The following CAMSAP2 variants were observed in gnomAD, a reference collection of about 807,000 sequenced individuals.
CAMSAP2 encodes calmodulin regulated spectrin associated protein family member 2.
In CAMSAP2, 26 loss-of-function variants were observed where a neutral mutation model predicts 146.1. That is an observed-to-expected ratio of 0.18 (90% confidence interval 0.13 to 0.25). The LOEUF is 0.25. Ranked by LOEUF, CAMSAP2 falls within the 10% of genes least tolerant of loss-of-function variation. CAMSAP2 has a pLI of 1.00. For synonymous variants in CAMSAP2, 499 were observed against 596.6 expected (o/e 0.84, Z 2.38); for missense variants, 1,381 against 1,759.3 (o/e 0.78, Z 3.85).
chr1:200,793,599 G>A (rs1268673459), intron 2 of CAMSAP2, among the ~76,000 whole-genome samples: 2 of 152,066 alleles, frequency 1.3e-5, no homozygotes, highest in African/African-American at 2.4e-5. Flanking sequence ...ACAGTATTCT[G>A]AGCTTAAAAC....
At chr1:200,840,647 T>C (rs879932906) in intron 6 of CAMSAP2, among the ~76,000 whole-genome samples, 3 of 152,148 alleles carry the variant, frequency 2.0e-5, no homozygotes, top group African/African-American at 4.8e-5. Flanking sequence ...AACTTAAATA[T>C]GAGAAAACCA....
Position 200,849,388 on chromosome 1 carries a change from T to A in CAMSAP2, c.2619T>A (p.Asn873Lys). The change falls in exon 11 of 17, where the codon AAT (asparagine) becomes AAA (lysine). Residue 873 changes from asparagine (N) to lysine (K), a missense_variant. Coordinates refer to ENST00000358823, the MANE Select transcript of CAMSAP2 (RefSeq NM_203459.4). This position sits in a 1 kb window ranked among gnomAD's most constrained non-coding sequence, Gnocchi z 6.3. ...CAAGCCCCTCAGAAGAAACTTTAAA[T>A]GAAGGAGAGATTTTAGAATATACCA... is the stretch of plus-strand genomic sequence containing the variant. ...NLASPSEETL[N>K]EGEILEYTKS... 1 of 1,614,052 alleles carries A rather than the reference T, an allele frequency of 6.2e-7. No homozygotes were observed. Among genetic ancestry groups the A allele is most frequent in the Non-Finnish European group, 8.5e-7 (1 of 1,179,982 alleles).
intron 4 of CAMSAP2, among the ~76,000 whole-genome samples, chr1:200,821,244 G>A (rs1240608162): frequency 3.3e-5 from 5 of 150,358 alleles, no homozygotes; most frequent in Non-Finnish European, 4.4e-5. Context: ...ATGAAGTAGC[G>A]AGATCATGGC....
At chr1:200,787,374 T>C (rs1457516192) in intron 2 of CAMSAP2, among the ~76,000 whole-genome samples, 1 of 152,160 alleles carries the variant, frequency 6.6e-6, no homozygotes, top group Non-Finnish European at 1.5e-5. Flanking sequence ...TTTCCAACTT[T>C]TAGGGATGAC....
intron 4 of CAMSAP2, among the ~76,000 whole-genome samples, chr1:200,823,993 A>C (rs924786357): frequency 2.0e-5 from 3 of 152,194 alleles, no homozygotes; most frequent in Admixed American, 2.0e-4. Context: ...ATTTTACAGC[A>C]TCAGCCACTG....
At chr1:200,775,057 G>GA (rs1264882130) in intron 2 of CAMSAP2, among the ~76,000 whole-genome samples, 1 of 152,152 alleles carries the variant, frequency 6.6e-6, no homozygotes, top group Non-Finnish European at 1.5e-5. Context: ...TAAATGCTGT[G>GA]AAAAAAATAA....
chr1:200,825,443 A>T (rs1666879558), intron 4 of CAMSAP2, among the ~76,000 whole-genome samples: 1 of 151,522 alleles, frequency 6.6e-6, no homozygotes, highest in African/African-American at 2.4e-5. Context: ...TCTTTTCAGT[A>T]ACTGTATATC....
chr1:200,792,904 G>T (rs533506711), intron 2 of CAMSAP2, among the ~76,000 whole-genome samples: 14 of 152,204 alleles, frequency 9.2e-5, no homozygotes, highest in Admixed American at 8.5e-4. Context: ...TGTTACCATT[G>T]GGGGAAACTG....
intron 11 of CAMSAP2, 36 bp downstream of exon 11, chr1:200,850,270 A>G: frequency 6.6e-7 from 1 of 1,506,396 alleles, no homozygotes; most frequent in Non-Finnish European, 8.9e-7. Context: ...GGGCATCTTC[A>G]TTAGATGAGT....
intron 2 of CAMSAP2, among the ~76,000 whole-genome samples, chr1:200,765,167 C>T (rs370966596): frequency 6.6e-6 from 1 of 152,066 alleles, no homozygotes; most frequent in East Asian, 1.9e-4. Context: ...TTCTCTCAAT[C>T]TCCACCCCAA....
chr1:200,815,425 CTTTA>C (rs1320057507), intron 3 of CAMSAP2, 132 bp from the exon 4 acceptor site: 6 of 426,476 alleles, frequency 1.4e-5, no homozygotes, highest in African/African-American at 6.2e-5. Context: ...CTGAAATTTT[CTTTA>C]TTTGAGTGAG....
At position 200,815,543 on chromosome 1, in the gene CAMSAP2, A is replaced by G. The variant is rs367624646; in HGVS notation, c.562-18A>G. On this transcript the variant is annotated intron_variant, in intron 3 of 16. Transcript: ENST00000358823. ...AAAAAAAGAATAAAAATTCAAACTGATATTTTTATATTTTAAGGTAAATGA... is the reference window on the plus strand; with the variant it reads ...AAAAAAAGAATAAAAATTCAAACTGGTATTTTTATATTTTAAGGTAAATGA... 22 of 1,296,562 alleles carry G rather than the reference A, an allele frequency of 1.7e-5. No homozygotes were observed. The highest frequency in any genetic ancestry group is 1.5e-5 in the African/African-American group (1 of 65,692). The allele number at this position is 1,296,562 out of a possible 1,614,324, so 80.3% of individuals were successfully genotyped here.
intron 4 of CAMSAP2, among the ~76,000 whole-genome samples, chr1:200,824,235 CT>C (rs76100494): frequency 0.31 from 43,690 of 140,962 alleles, 6,605 homozygotes; most frequent in Middle Eastern, 0.41. Context: ...TCATCCATCT[CT>C]TTTTTTTTTT....
intron 2 of CAMSAP2, among the ~76,000 whole-genome samples, chr1:200,792,269 C>G (rs1665774663): frequency 6.6e-6 from 1 of 152,076 alleles, no homozygotes; most frequent in South Asian, 2.1e-4. Flanking sequence ...TAATTGTTGT[C>G]TTAAGTAGTT....
chr1:200,800,245 T>C (rs1665998940), intron 2 of CAMSAP2, among the ~76,000 whole-genome samples: 1 of 152,168 alleles, frequency 6.6e-6, no homozygotes, highest in Non-Finnish European at 1.5e-5. Context: ...ATCTCGTTGA[T>C]CTAATAGTGA....
At chr1:200,842,376 A>G (rs144387710) in intron 7 of CAMSAP2, among the ~76,000 whole-genome samples, 164 of 152,218 alleles carry the variant, frequency 1.1e-3, no homozygotes, top group Middle Eastern at 3.4e-3. Flanking sequence ...ATTCCCTTTT[A>G]GATTCTTAGT....
rs1667645043 is a variant in CAMSAP2, at chr1:200,852,435, CAAACTTTCAGTTATAGGACT to C, written c.3466-103_3466-84del. 4.8e-5 allele frequency: 62 copies of C among 1,282,872 alleles called. No homozygotes were observed. The South Asian group carries it at 8.8e-4, about 18-fold the overall frequency. 79.5% of individuals were successfully genotyped at this position (1,282,872 alleles called of 1,614,324 possible). On this transcript the variant is annotated intron_variant, in intron 11 of 16. Transcript: ENST00000358823. ...CACATTCAGAAGGGTTGTAATAGTT[CAAACTTTCAGTTATAGGACT>C]AACCACAAAATGTGACTACAACAAT...
At position 200,842,105 on chromosome 1, in the gene CAMSAP2, T is replaced by G. The variant is rs1169505979; in HGVS notation, c.1021+18T>G. ...ACAAGGAGGTAATCAATCTTTTTAA[T>G]TTTAAATGTTCCTATGAACAGAAAA... On this transcript the variant is annotated intron_variant, in intron 7 of 16. Transcript: ENST00000358823. The G allele has an allele frequency of 1.3e-6, 2 of 1,579,012 alleles. No individual in the cohort carries two copies. The highest frequency in any genetic ancestry group is 1.7e-6 in the Non-Finnish European group (2 of 1,148,358).
At chr1:200,794,846 G>C (rs749803134) in intron 2 of CAMSAP2, among the ~76,000 whole-genome samples, 1 of 152,236 alleles carries the variant, frequency 6.6e-6, no homozygotes, top group Non-Finnish European at 1.5e-5. Context: ...ATGTTGATGA[G>C]TCTGCCTGGG....
Sources: gnomAD v4.1 joint callset for allele counts (sites outside exome capture counted in the v4.1 genomes callset) on GRCh38, gnomAD v4.1.1 for gene constraint, Gnocchi (gnomAD v3.1) non-coding constraint, MANE v1.5 for transcripts, NCBI Gene and HGNC (gene_info 2026-07-23, HGNC 2026-07-21) for gene names.